Variants in AVEN observed in about 807,000 individuals in gnomAD.
AVEN encodes cell death regulator Aven.
In AVEN, 41 loss-of-function variants were observed where a neutral mutation model predicts 38.1. The observed-to-expected ratio is 1.08, with a 90% CI of 0.84 to 1.40. The LOEUF is 1.40. AVEN is among the 40% of genes most tolerant of loss of function. The pLI, the probability that AVEN is intolerant of heterozygous loss-of-function variation, is 0.00. For missense variants in AVEN, 605 were observed against 438.8 expected, an observed-to-expected ratio of 1.38 and a Z score of -3.38; for synonymous variants, 206 against 171.8, an observed-to-expected ratio of 1.20 and a Z score of -1.56.
intron 1 of AVEN, among the ~76,000 whole-genome samples, chr15:34,026,545 C>T (rs1187641854): frequency 2.0e-5 from 3 of 152,112 alleles, no homozygotes; most frequent in East Asian, 1.9e-4. Flanking sequence ...TATAAGCTGA[C>T]GTCACCCAGG....
chr15:33,882,284 C>A (rs1938154216), intron 2 of AVEN, among the ~76,000 whole-genome samples: 2 of 152,066 alleles, frequency 1.3e-5, no homozygotes. Context: ...ATTATGAAGG[C>A]ATTTACTGGA....
At chr15:33,863,053 TAGACCAGTGGA>T (rs1889020758), downstream of AVEN, among the ~76,000 whole-genome samples, 1 of 152,252 alleles carries the variant, frequency 6.6e-6, no homozygotes, top group South Asian at 2.1e-4. Context: ...CCATGGGTTA[TAGACCAGTGGA>T]AGGATGCTGT....
chr15:33,857,769 C>G (rs749350436), downstream of AVEN: 2 of 1,613,984 alleles, frequency 1.2e-6, no homozygotes, highest in East Asian at 2.2e-5. Context: ...TCTCTGTCCT[C>G]TCATTCCCAG....
chr15:33,892,255 CT>C (rs1892010883), intron 2 of AVEN, among the ~76,000 whole-genome samples: 1 of 152,194 alleles, frequency 6.6e-6, no homozygotes, highest in African/African-American at 2.4e-5. Flanking sequence ...TCTATTTTGG[CT>C]TTTGTTGCCA....
intron 2 of AVEN, among the ~76,000 whole-genome samples, chr15:33,911,466 C>T (rs537870256): frequency 1.3e-3 from 198 of 152,264 alleles, no homozygotes; most frequent in Non-Finnish European, 2.6e-3. Context: ...GCATTATATA[C>T]TTTTCTTTCA....
At chr15:33,918,213 A>C (rs990839150) in intron 2 of AVEN, among the ~76,000 whole-genome samples, 1 of 152,178 alleles carries the variant, frequency 6.6e-6, no homozygotes, top group African/African-American at 2.4e-5. Context: ...AAGCAAAGCA[A>C]GTGCTATTGG....
chr15:33,855,179 G>A (rs1390005128), downstream of AVEN, among the ~76,000 whole-genome samples: 1 of 151,928 alleles, frequency 6.6e-6, no homozygotes, highest in African/African-American at 2.4e-5. Flanking sequence ...GGAGGTGATG[G>A]ACATGTCAGA....
intron 2 of AVEN, among the ~76,000 whole-genome samples, chr15:33,992,596 ATCT>A (rs1229187115): frequency 1.7e-4 from 26 of 152,184 alleles, no homozygotes; most frequent in South Asian, 8.3e-4. Flanking sequence ...AAAGGGAAGA[ATCT>A]TCTTCTACTA....
At chr15:34,046,050 T>C (rs1899669592) in intron 5 of AVEN, among the ~76,000 whole-genome samples, 1 of 152,036 alleles carries the variant, frequency 6.6e-6, no homozygotes, top group Admixed American at 6.6e-5. Context: ...GTTTGAGTAA[T>C]CAGGGAAGAG....
intron 2 of AVEN, among the ~76,000 whole-genome samples, chr15:33,971,847 T>C (rs1348918264): frequency 6.6e-6 from 1 of 152,124 alleles, no homozygotes; most frequent in East Asian, 1.9e-4. Context: ...AAGGATGTAG[T>C]TCACCATGAA....
chr15:34,068,454 G>A (rs1315483412), intron 2 of AVEN, among the ~76,000 whole-genome samples: 1 of 151,962 alleles, frequency 6.6e-6, no homozygotes, highest in African/African-American at 2.4e-5. Context: ...CAATCCACCC[G>A]ATTTGGCCTG....
chr15:33,863,378 A>G (rs1889221009), downstream of AVEN, among the ~76,000 whole-genome samples: 1 of 152,132 alleles, frequency 6.6e-6, no homozygotes, highest in Admixed American at 6.5e-5. Context: ...CGCTCTATAC[A>G]CTATACCACC....
Position 34,038,840 on chromosome 15 carries a change from T to C in AVEN, c.207A>G (p.Gly69=). 1.7e-6 allele frequency: 2 copies of C among 1,177,962 alleles called. No individual in the cohort carries two copies. The highest frequency in any genetic ancestry group is 1.0e-6 in the Non-Finnish European group (1 of 954,280). The allele number at this position is 1,177,962 out of a possible 1,614,324, so 73.0% of individuals were successfully genotyped here. A position where few individuals can be genotyped will look rare whatever the true frequency, so the allele number is the denominator to read the frequency against. ...FRGARGGRGG[G]GAPRGSRREP... is the part of the protein sequence containing the mutation. ...CCCGGCGGCTGCCTCGCGGGGCGCC[T>C]CCTCCTCCTCGGCCTCCGCGAGCGC... The change falls in exon 1 of 6, where the codon GGA becomes GGG. Residue 69 remains glycine, a synonymous_variant. Coordinates refer to ENST00000306730, the MANE Select transcript of AVEN (RefSeq NM_020371.3).
chr15:33,946,548 TG>T (rs562737108), intron 2 of AVEN, among the ~76,000 whole-genome samples: 62 of 152,252 alleles, frequency 4.1e-4, no homozygotes, highest in African/African-American at 1.4e-3. Flanking sequence ...TACATTCTAT[TG>T]GGGAACCACA....
At chr15:34,018,783 A>G (rs1182104946) in intron 1 of AVEN, among the ~76,000 whole-genome samples, 1 of 152,200 alleles carries the variant, frequency 6.6e-6, no homozygotes, top group Non-Finnish European at 1.5e-5. Context: ...TGGTCCATTT[A>G]CAGAGTGCTG....
chr15:33,971,192 G>A (rs887405206), intron 2 of AVEN, among the ~76,000 whole-genome samples: 2 of 152,044 alleles, frequency 1.3e-5, no homozygotes, highest in East Asian at 1.9e-4. Flanking sequence ...GTTATTGATA[G>A]ATTTAACAAT....
In AVEN at chr15:34,055,133, G is replaced by A. The variant is rs543119187; in HGVS notation, n.1637+7789C>T. 1.3e-3 allele frequency among the ~76,000 whole-genome samples: 202 copies of A among 150,152 alleles called. 1 individual carries two copies. Among genetic ancestry groups the A allele is most frequent in the Middle Eastern group, 7.1e-3 (2 of 280 alleles). ...CTTGAACCCGGGAGGCGGCGATTGC[G>A]GTGAGCCGAGATCACACCATTGCAC... On this transcript the variant is annotated intron_variant and non_coding_transcript_variant, in intron 5 of 11. Transcript: ENST00000675287.
chr15:33,957,169 T>C (rs924244051), intron 2 of AVEN, among the ~76,000 whole-genome samples: 1 of 152,238 alleles, frequency 6.6e-6, no homozygotes, highest in South Asian at 2.1e-4. Flanking sequence ...TATTAACTGT[T>C]CTTTGAATGA....
downstream of AVEN, chr15:33,865,380 G>C: frequency 1.6e-6 from 1 of 623,258 alleles, no homozygotes; most frequent in East Asian, 2.8e-5. Context: ...TTTTGAAATT[G>C]ATTTGGCTTT....
Sources: gnomAD v4.1 joint callset for allele counts (sites outside exome capture counted in the v4.1 genomes callset) on GRCh38, gnomAD v4.1.1 for gene constraint, MANE v1.5 for transcripts, NCBI Gene and HGNC (gene_info 2026-07-23, HGNC 2026-07-21) for gene names.